SPAG16: variants seen among roughly 807,000 people sequenced by gnomAD.
The protein encoded by SPAG16 is sperm-associated antigen 16 protein.
A neutral mutation model predicts 80.4 loss-of-function variants in SPAG16; 86 were observed. That is an observed-to-expected ratio of 1.07 (90% CI 0.90 to 1.28). SPAG16 has a LOEUF of 1.28. Ranked by LOEUF, SPAG16 falls within the 50% of genes most tolerant of loss-of-function variation. The pLI, the probability that SPAG16 is intolerant of heterozygous loss-of-function variation, is 0.00. For synonymous variants in SPAG16, 294 were observed against 265.9 expected, an observed-to-expected ratio of 1.11 and a Z score of -1.03; for missense variants, 870 against 765.3, an observed-to-expected ratio of 1.14 and a Z score of -1.61.
At chr2:213,971,788 A>G (rs1309050108) in intron 12 of SPAG16, among the ~76,000 whole-genome samples, 4 of 152,040 alleles carry the variant, frequency 2.6e-5, no homozygotes, top group Admixed American at 6.6e-5. Flanking sequence ...CACAGTGGCT[A>G]TATCATTTTA....
At chr2:214,358,205 C>T (rs943118862) in intron 15 of SPAG16, among the ~76,000 whole-genome samples, 2 of 151,784 alleles carry the variant, frequency 1.3e-5, no homozygotes, top group African/African-American at 4.8e-5. Context: ...CTCTTGGTGT[C>T]ACCATTTGGA....
At chr2:213,422,227 T>C in intron 9 of SPAG16, 1 of 701,802 alleles carries the variant, frequency 1.4e-6, no homozygotes, top group Non-Finnish European at 2.6e-6. Flanking sequence ...TCTTTGGGGC[T>C]GTGCAGTTTC....
intron 13 of SPAG16, among the ~76,000 whole-genome samples, chr2:214,064,186 A>T (rs1559751111): frequency 6.6e-6 from 1 of 152,196 alleles, no homozygotes; most frequent in Non-Finnish European, 1.5e-5. Flanking sequence ...TATCATGTTT[A>T]TAAAGAAAGC....
At chr2:214,341,008 T>C (rs1206359724) in intron 15 of SPAG16, among the ~76,000 whole-genome samples, 2 of 152,290 alleles carry the variant, frequency 1.3e-5, no homozygotes, top group East Asian at 3.9e-4. Context: ...ACACAGATCA[T>C]TGGAAAACAG....
At chr2:213,631,222 T>TTG (rs1015255874) in intron 10 of SPAG16, among the ~76,000 whole-genome samples, 23 of 152,110 alleles carry the variant, frequency 1.5e-4, no homozygotes, top group African/African-American at 4.1e-4. Context: ...AATTTGAAAA[T>TTG]GTTTTTAAGT....
chr2:214,160,755 A>G (rs1202448771), intron 15 of SPAG16, among the ~76,000 whole-genome samples: 1 of 151,994 alleles, frequency 6.6e-6, no homozygotes, highest in Admixed American at 6.6e-5. Context: ...TTGCTTTTTC[A>G]TTTTACAGCA....
chr2:214,121,305 A>G (rs560405145), intron 14 of SPAG16, among the ~76,000 whole-genome samples: 12 of 151,956 alleles, frequency 7.9e-5, no homozygotes, highest in African/African-American at 2.9e-4. Context: ...TTTCAACTTG[A>G]TTAGGCTTCC....
At chr2:213,812,178 A>G (rs983544892) in intron 10 of SPAG16, among the ~76,000 whole-genome samples, 1 of 152,164 alleles carries the variant, frequency 6.6e-6, no homozygotes, top group East Asian at 1.9e-4. Context: ...AATGAGAGGA[A>G]CTTAGGTGCT....
chr2:214,202,390 G>A (rs749030643), intron 15 of SPAG16, among the ~76,000 whole-genome samples: 1 of 152,074 alleles, frequency 6.6e-6, no homozygotes, highest in African/African-American at 2.4e-5. Context: ...GGACTTTGAA[G>A]GACATAAATG....
intron 11 of SPAG16, among the ~76,000 whole-genome samples, chr2:213,911,587 A>G (rs2106168013): frequency 6.6e-6 from 1 of 152,372 alleles, no homozygotes; most frequent in East Asian, 1.9e-4. Context: ...TTATTTGCAA[A>G]TTATAATTTT....
intron 8 of SPAG16, among the ~76,000 whole-genome samples, chr2:213,368,217 A>G (rs1415643315): frequency 6.6e-6 from 1 of 152,154 alleles, no homozygotes; most frequent in Admixed American, 6.5e-5. Context: ...GAAGTCAGGT[A>G]GTGTGATGCC....
Position 214,386,874 on chromosome 2 carries a change from G to GAA in SPAG16, c.1721-23255_1721-23254dup, listed in dbSNP as rs5838432. Among the ~76,000 whole-genome samples the GAA allele has an allele frequency of 3.0e-3, 432 of 143,480 alleles. 5 individuals carry two copies. The highest frequency in any genetic ancestry group is 4.8e-3 in the African/African-American group (179 of 37,482). The allele number at this position is 143,480 out of a possible 152,430, so 94.1% of individuals were successfully genotyped here. A position where few individuals can be genotyped will look rare whatever the true frequency, so the allele number is the denominator to read the frequency against. ...GTGAGACCCTTGTCTCAAAAAAAGA[G>GAA]AAAAAAAAAAAACAACTATGAAATA... On this transcript the variant is annotated intron_variant, in intron 15 of 15. Coordinates refer to ENST00000331683, the MANE Select transcript of SPAG16 (RefSeq NM_024532.5).
intron 4 of SPAG16, among the ~76,000 whole-genome samples, chr2:213,311,163 C>T (rs6760815): frequency 0.013 from 1,976 of 151,486 alleles, 20 homozygotes; most frequent in Middle Eastern, 0.024. Flanking sequence ...AAACAAAGTT[C>T]AGTGGAAGAA....
intron 15 of SPAG16, among the ~76,000 whole-genome samples, chr2:214,249,346 A>G (rs1690082573): frequency 6.6e-6 from 1 of 152,152 alleles, no homozygotes; most frequent in African/African-American, 2.4e-5. Context: ...GCCAAAGTAA[A>G]GACATTTTTC....
intron 10 of SPAG16, among the ~76,000 whole-genome samples, chr2:213,558,943 G>A (rs576231748): frequency 1.3e-5 from 2 of 152,012 alleles, no homozygotes; most frequent in African/African-American, 4.8e-5. Context: ...ACTTCAATAT[G>A]TATCTTTAAT....
chr2:213,422,177 C>T (rs1421853564), intron 9 of SPAG16: 1 of 700,776 alleles, frequency 1.4e-6, no homozygotes, highest in Non-Finnish European at 2.6e-6. Flanking sequence ...CTTCAGGGAG[C>T]CCAGACCTAG....
chr2:213,880,468 C>A (rs748563413), intron 11 of SPAG16, among the ~76,000 whole-genome samples: 1 of 152,030 alleles, frequency 6.6e-6, no homozygotes, highest in Non-Finnish European at 1.5e-5. Context: ...CTGTGCAGAT[C>A]TTTAGTTTAA....
chr2:213,575,961 G>A (rs536258348), intron 10 of SPAG16, among the ~76,000 whole-genome samples: 1 of 151,936 alleles, frequency 6.6e-6, no homozygotes, highest in East Asian at 1.9e-4. Flanking sequence ...TTTGCTTTTT[G>A]TTTGGAAATC....
chr2:213,474,496 T>C (rs2073265729), intron 9 of SPAG16, among the ~76,000 whole-genome samples: 1 of 152,140 alleles, frequency 6.6e-6, no homozygotes, highest in Admixed American at 6.5e-5. Flanking sequence ...TGGTCAAAGG[T>C]ATTATATATA....
Sources: gnomAD v4.1 joint callset for allele counts (sites outside exome capture counted in the v4.1 genomes callset) on GRCh38, gnomAD v4.1.1 for gene constraint, MANE v1.5 for transcripts, NCBI Gene and HGNC (gene_info 2026-07-23, HGNC 2026-07-21) for gene names.